UNC5D: variants seen among roughly 807,000 people sequenced by gnomAD.
The protein encoded by UNC5D is netrin receptor UNC5D.
A neutral mutation model predicts 105.4 loss-of-function variants in UNC5D; 39 were observed. The ratio of observed to expected loss-of-function variants is 0.37; its 90% confidence interval spans 0.29 to 0.48. The LOEUF (loss-of-function observed/expected upper bound fraction) is 0.48. Ranked by LOEUF, UNC5D falls within the 20% of genes least tolerant of loss-of-function variation. UNC5D has a pLI of 0.98. For missense variants in UNC5D, 991 were observed against 1,202.4 expected (o/e 0.82, Z 2.60); for synonymous variants, 452 against 450.4 (o/e 1.00, Z -0.04).
chr8:35,740,342 C>G (rs1829698628), intron 11 of UNC5D, among the ~76,000 whole-genome samples: 1 of 152,180 alleles, frequency 6.6e-6, no homozygotes, highest in Non-Finnish European at 1.5e-5. Flanking sequence ...GAGGGAGAGA[C>G]AGATTTGAAG....
chr8:35,581,704 C>T (rs1349012125), intron 3 of UNC5D, among the ~76,000 whole-genome samples: 2 of 151,966 alleles, frequency 1.3e-5, no homozygotes, highest in Non-Finnish European at 2.9e-5. Context: ...TGTATCAAAA[C>T]ATCACATGTA....
chr8:35,674,046 G>A (rs1166078175), intron 4 of UNC5D, among the ~76,000 whole-genome samples: 1 of 152,174 alleles, frequency 6.6e-6, no homozygotes, highest in African/African-American at 2.4e-5. Context: ...TCAGGTCACA[G>A]TCTGAACATT....
chr8:35,444,513 G>A (rs1444247740), intron 1 of UNC5D, among the ~76,000 whole-genome samples: 1 of 151,774 alleles, frequency 6.6e-6, no homozygotes, highest in Non-Finnish European at 1.5e-5. Context: ...TATGCATGAT[G>A]GCATATACCA....
At chr8:35,334,306 G>A (rs1810855186) in intron 1 of UNC5D, among the ~76,000 whole-genome samples, 1 of 152,086 alleles carries the variant, frequency 6.6e-6, no homozygotes, top group Non-Finnish European at 1.5e-5. Flanking sequence ...CTAGCAAGAA[G>A]GTAACAAAAT....
chr8:35,724,114 T>C, intron 9 of UNC5D: 1 of 1,394,544 alleles, frequency 7.2e-7, no homozygotes, highest in African/African-American at 1.5e-5. Flanking sequence ...GTGAGAAGGG[T>C]GGATCCCTGG....
chr8:35,788,701 C>A (rs1802867781), intron 16 of UNC5D, among the ~76,000 whole-genome samples: 1 of 145,106 alleles, frequency 6.9e-6, no homozygotes, highest in African/African-American at 2.5e-5. Context: ...CACACACACG[C>A]ACACACACAC....
chr8:35,700,026 C>T (rs1459583007), intron 7 of UNC5D, among the ~76,000 whole-genome samples: 1 of 152,224 alleles, frequency 6.6e-6, no homozygotes, highest in Non-Finnish European at 1.5e-5. Context: ...AGAATCCCCA[C>T]TTGCCATTGT....
intron 1 of UNC5D, among the ~76,000 whole-genome samples, chr8:35,331,312 G>C (rs1417424538): frequency 3.3e-5 from 5 of 152,166 alleles, no homozygotes; most frequent in Non-Finnish European, 7.3e-5. Flanking sequence ...TTCTCTCATA[G>C]TTATAGACCC....
At chr8:35,332,074 T>C (rs575516287) in intron 1 of UNC5D, among the ~76,000 whole-genome samples, 3 of 152,202 alleles carry the variant, frequency 2.0e-5, no homozygotes, top group Non-Finnish European at 2.9e-5. Context: ...ATGCCTTACA[T>C]TGACATCTTC....
chr8:35,652,137 T>C (rs1376301834), intron 4 of UNC5D, among the ~76,000 whole-genome samples: 2 of 152,150 alleles, frequency 1.3e-5, no homozygotes, highest in East Asian at 3.9e-4. Flanking sequence ...CCTTATAGCC[T>C]TGCATACACA....
intron 3 of UNC5D, among the ~76,000 whole-genome samples, chr8:35,595,064 C>T (rs748627824): frequency 1.1e-4 from 16 of 152,182 alleles, no homozygotes; most frequent in Admixed American, 2.0e-4. Context: ...AATAAAAAGA[C>T]TAATAGGTAA....
intron 2 of UNC5D, among the ~76,000 whole-genome samples, chr8:35,560,364 C>G (rs558034710): frequency 5.5e-4 from 84 of 152,270 alleles, no homozygotes; most frequent in African/African-American, 1.9e-3. Flanking sequence ...TTTCTTAAAG[C>G]CGCATTCCTT....
intron 8 of UNC5D, among the ~76,000 whole-genome samples, chr8:35,710,934 C>CTTTTTTTTTTTTTTTTTT (rs775014566): frequency 8.7e-6 from 1 of 114,372 alleles, no homozygotes; most frequent in African/African-American, 4.0e-5. Flanking sequence ...CAGCATTATT[C>CTTTTTTTTTTTTTTTTTT]TTTTTTTTTT....
In UNC5D at chr8:35,790,646, G is replaced by T; in HGVS notation, c.*83G>T. The T allele has an allele frequency of 6.8e-7, 1 of 1,464,598 alleles. No homozygotes were observed. Among genetic ancestry groups the T allele is most frequent in the Non-Finnish European group, 9.4e-7 (1 of 1,063,862 alleles). 90.7% of individuals were successfully genotyped at this position (1,464,598 alleles called of 1,614,324 possible). A position where few individuals can be genotyped will look rare whatever the true frequency, so the allele number is the denominator to read the frequency against. On this transcript the variant is annotated 3_prime_UTR_variant, in exon 17 of 17. Coordinates refer to ENST00000404895, the MANE Select transcript of UNC5D (RefSeq NM_080872.4). ...GGAAAGAGGCCGCTTTCTGCCCAGT[G>T]GCGTTGGGGGAATTCAGCCTTCATT... is the stretch of plus-strand genomic sequence containing the variant.
In UNC5D at chr8:35,766,535, C is replaced by T. The variant is rs1400752601; in HGVS notation, c.2314-367C>T. ...ATCCTACCCCAGACCGAAGTAGAAG[C>T]ATGGCCCACAGGAGTCTTCCAAAGG... On this transcript the variant is annotated intron_variant, in intron 14 of 16. Transcript: ENST00000404895. 2.0e-5 allele frequency among the ~76,000 whole-genome samples: 3 copies of T among 152,200 alleles called. No homozygotes were observed. In the East Asian group the frequency reaches 5.8e-4, roughly 29 times the overall value.
At chr8:35,780,192 A>G (rs1802440322) in intron 16 of UNC5D, among the ~76,000 whole-genome samples, 1 of 152,192 alleles carries the variant, frequency 6.6e-6, no homozygotes, top group Admixed American at 6.5e-5. Flanking sequence ...GCCAGGGAAA[A>G]CATATTTCTT....
At chr8:35,313,747 C>A (rs1416147729) in intron 1 of UNC5D, among the ~76,000 whole-genome samples, 1 of 152,164 alleles carries the variant, frequency 6.6e-6, no homozygotes, top group South Asian at 2.1e-4. Flanking sequence ...CCCTTTAATA[C>A]CGTACCGCAG....
intron 1 of UNC5D, among the ~76,000 whole-genome samples, chr8:35,392,611 G>A (rs962575516): frequency 3.3e-5 from 5 of 152,114 alleles, no homozygotes; most frequent in African/African-American, 1.2e-4. Context: ...GGAACCTTGT[G>A]ATTATATTGG....
chr8:35,287,435 T>TA (rs2128857427), intron 1 of UNC5D, among the ~76,000 whole-genome samples: 1 of 151,878 alleles, frequency 6.6e-6, no homozygotes, highest in South Asian at 2.1e-4. Context: ...AAGAAACAAA[T>TA]AAAAAAATCA....
Sources: allele counts gnomAD v4.1 joint callset (sites outside exome capture counted in the v4.1 genomes callset), GRCh38; gene constraint gnomAD v4.1.1; transcripts MANE v1.5; gene names NCBI Gene and HGNC (gene_info 2026-07-23, HGNC 2026-07-21).